PLCH2: variants seen among roughly 807,000 people sequenced by gnomAD.
PLCH2 encodes the protein phospholipase C eta 2, also known as 1-phosphatidylinositol 4,5-bisphosphate phosphodiesterase eta-2.
In PLCH2, 98 loss-of-function variants were observed where a neutral mutation model predicts 134.7. The ratio of observed to expected loss-of-function variants is 0.73; its 90% CI spans 0.62 to 0.86. The LOEUF is 0.86. PLCH2 is among the 40% of genes least tolerant of loss of function. The probability of loss-of-function intolerance (pLI) is 0.00; values close to 1 mark genes in which losing one functional copy is unlikely to be tolerated. For missense variants in PLCH2, 1,994 were observed against 1,986.6 expected (o/e 1.00, Z -0.07); for synonymous variants, 974 against 827.5 (o/e 1.18, Z -3.04).
rs41315670 is a variant in PLCH2, at chr1:2,484,624, C to T, written c.816+6C>T. On this transcript the variant is annotated splice_donor_region_variant and intron_variant, in intron 5 of 21. Coordinates refer to ENST00000378486, the MANE Select transcript of PLCH2 (RefSeq NM_014638.4). The stretch of plus-strand genomic sequence containing the variant: ...TCCTGCAGGTGGAGCAGAAGGTGTG[C>T]TGCCCGGGGCAGGTGTTGGGGGGCC... The T allele has an allele frequency of 2.4e-3, 3,911 of 1,609,580 alleles. 11 individuals are homozygous for T. Among genetic ancestry groups the T allele is most frequent in the Non-Finnish European group, 2.9e-3 (3,382 of 1,179,546 alleles).
Position 2,447,253 on chromosome 1 carries a change from C to G in PLCH2, c.115+16624C>G, listed in dbSNP as rs115828932. 1.4e-3 allele frequency among the ~76,000 whole-genome samples: 209 copies of G among 152,304 alleles called. 1 individual carries two copies. The highest frequency in any genetic ancestry group is 4.9e-3 in the African/African-American group (204 of 41,552). The stretch of plus-strand genomic sequence containing the variant: ...GCTAGGGTGGCTGCAGGGTGGGGCC[C>G]CAAGTCTGTGGGGGGAGGCCCATTT... On this transcript the variant is annotated intron_variant, in intron 2 of 3. Transcript: ENST00000609981.
At chr1:2,477,795 C>T (rs759490567) in intron 1 of PLCH2, among the ~76,000 whole-genome samples, 12 of 152,182 alleles carry the variant, frequency 7.9e-5, no homozygotes, top group Non-Finnish European at 1.8e-4. Context: ...GCAGGGCGTG[C>T]GACGCAGACA....
Position 2,502,294 on chromosome 1 carries a change from C to A in PLCH2, c.2844C>A (p.Val948=), listed in dbSNP as rs1382958239. ...GCCGCAGGGGCTTCCCGGAGCTGGT[C>A]CTGGGTACACGGGACACAGGCTCCA... is the stretch of plus-strand genomic sequence containing the variant. ...KPGRRGFPEL[V]LGTRDTGSKG... The change falls in exon 21 of 22, where the codon GTC becomes GTA. Residue 948 remains valine (V), a synonymous_variant. Coordinates refer to ENST00000378486, the MANE Select transcript of PLCH2 (RefSeq NM_014638.4). 6.5e-7 allele frequency: 1 copy of A among 1,537,664 alleles called. No individual in the cohort carries two copies. The highest frequency in any genetic ancestry group is 2.5e-5 in the East Asian group (1 of 40,612).
chr1:2,456,084 G>A (rs1640477195), intron 2 of PLCH2, among the ~76,000 whole-genome samples: 1 of 152,264 alleles, frequency 6.6e-6, no homozygotes, highest in South Asian at 2.1e-4. Flanking sequence ...AGCGTCGCCT[G>A]GGGCAGCATT....
rs1420860886 is a variant in PLCH2, at chr1:2,489,828, T to C, written c.1476T>C (p.Ala492=). The C allele has an allele frequency of 6.2e-7, 1 of 1,613,696 alleles. No homozygotes were observed. Among genetic ancestry groups the C allele is most frequent in the Admixed American group, 1.7e-5 (1 of 60,028 alleles). Residue 492 remains alanine (A), a synonymous_variant, in exon 10 of 22, where the codon GCT becomes GCC. Transcript: ENST00000378486. ...GCGAGGTGTCTGATGAGGACAGTGC[T>C]GATGAGATTGACGATGACTGCAAGC... ...EEGEVSDEDS[A]DEIDDDCKLL... is the part of the protein sequence containing the mutation.
At chr1:2,432,646 G>C (rs981322174) in intron 2 of PLCH2, among the ~76,000 whole-genome samples, 1 of 152,136 alleles carries the variant, frequency 6.6e-6, no homozygotes, top group Non-Finnish European at 1.5e-5. Flanking sequence ...GCATGATGAG[G>C]GTCTGAGCTG....
At chr1:2,474,738 A>G (rs957001633), upstream of PLCH2, among the ~76,000 whole-genome samples, 1 of 152,120 alleles carries the variant, frequency 6.6e-6, no homozygotes, top group African/African-American at 2.4e-5. Context: ...GTCCCAGGCC[A>G]GGAGGCCTCT....
intron 1 of PLCH2, among the ~76,000 whole-genome samples, chr1:2,470,474 C>T (rs1482644334): frequency 6.6e-6 from 1 of 152,236 alleles, no homozygotes; most frequent in Non-Finnish European, 1.5e-5. Context: ...GACACCCTCT[C>T]TGTCTGAGAC....
upstream of PLCH2, among the ~76,000 whole-genome samples, chr1:2,464,234 T>C (rs1229299518): frequency 6.6e-6 from 1 of 152,154 alleles, no homozygotes; most frequent in East Asian, 1.9e-4. Flanking sequence ...CAGGGGGGCT[T>C]CACGAGCTTC....
chr1:2,459,520 C>G (rs111615914), intron 2 of PLCH2, among the ~76,000 whole-genome samples: 4,068 of 35,902 alleles, frequency 0.11, 911 homozygotes, highest in East Asian at 0.54. Context: ...GGTCCTCCTT[C>G]CTGGTGGTCC....
intron 1 of PLCH2, among the ~76,000 whole-genome samples, chr1:2,469,779 G>A (rs570386448): frequency 2.0e-5 from 3 of 152,340 alleles, no homozygotes; most frequent in African/African-American, 4.8e-5. Flanking sequence ...GAGTGGGCGC[G>A]GGCCTCCCGT....
upstream of PLCH2, among the ~76,000 whole-genome samples, chr1:2,472,160 GATAAA>G (rs1402523596): frequency 1.2e-4 from 19 of 152,316 alleles, no homozygotes; most frequent in African/African-American, 4.6e-4. Context: ...TCACACTCCT[GATAAA>G]ATAAAAATAG....
chr1:2,497,641 C>T (rs1318185150), intron 16 of PLCH2, 32 bp downstream of exon 16: 1 of 1,446,014 alleles, frequency 6.9e-7, no homozygotes, highest in Non-Finnish European at 9.5e-7. Context: ...GGCTCGGACG[C>T]TCAGGGCTCG....
chr1:2,503,420 G>C (rs1570506915), intron 21 of PLCH2: 1 of 594,234 alleles, frequency 1.7e-6, no homozygotes, highest in Non-Finnish European at 3.0e-6. Context: ...GGGACGCCTG[G>C]AGCCTGCTGA....
rs764764341 is a variant in PLCH2, at chr1:2,504,503, C to G, written c.3541C>G (p.Pro1181Ala). ...NLAGAHMGRL[P>A]PRPHSASAAR... ...CGCTGGAGCCCACATGGGACGCCTG[C>G]CCCCCAGGCCCCACTCGGCTTCGGC... The change falls in exon 22 of 22, where the codon CCC (proline) becomes GCC (alanine). Residue 1181 changes from proline (P) to alanine (A), a missense_variant. Around this residue, in one of 2 missense-constraint regions of PLCH2, gnomAD observed 900 missense variants for 752.3 expected, o/e 1.20. Coordinates refer to ENST00000378486, the MANE Select transcript of PLCH2 (RefSeq NM_014638.4). 3.7e-6 allele frequency: 6 copies of G among 1,612,060 alleles called. No homozygotes were observed. In the South Asian group the frequency reaches 6.6e-5, roughly 18 times the overall value.
rs568548610 is a variant in PLCH2 at position 2,432,431 on chromosome 1, C to T, written c.115+1802C>T. Among the ~76,000 whole-genome samples the T allele has an allele frequency of 1.7e-4, 26 of 152,338 alleles. No homozygotes were observed. The East Asian group carries it at 4.4e-3, about 26-fold the overall frequency. Reference sequence around the variant, plus strand: ...GCCCCTCATGGCTGACAGCACACCCCGTCCCCTGTGCAATTTGCCTTACCC... The same window carrying T: ...GCCCCTCATGGCTGACAGCACACCCTGTCCCCTGTGCAATTTGCCTTACCC... On this transcript the variant is annotated intron_variant, in intron 2 of 3. Transcript: ENST00000609981.
intron 6 of PLCH2, 84 bp downstream of exon 6, chr1:2,487,084 T>C (rs1642325956): frequency 6.7e-7 from 1 of 1,494,948 alleles, no homozygotes. Flanking sequence ...GGGACAGGTG[T>C]TCTGTGTTCT....
intron 2 of PLCH2, among the ~76,000 whole-genome samples, chr1:2,446,842 G>A (rs1639968236): frequency 6.6e-6 from 1 of 152,192 alleles, no homozygotes; most frequent in Non-Finnish European, 1.5e-5. Flanking sequence ...TGCTCCCCAG[G>A]GCTGGGCTGA....
rs1643418815 is a variant in PLCH2 at position 2,504,417 on chromosome 1, G to C, written c.3455G>C (p.Ser1152Thr). Residue 1152 changes from serine (S) to threonine (T), a missense_variant, in exon 22 of 22, where the codon AGC becomes ACC. Ser to Thr is a moderately conservative substitution (Grantham distance 58). This residue lies in a region of PLCH2 where 900 missense variants were observed against 752.3 expected (regional missense o/e 1.20). Coordinates refer to ENST00000378486, the MANE Select transcript of PLCH2 (RefSeq NM_014638.4). ...TCCTCCTCCTCCAGCATGTCATCCA[G>C]CGACACTGTCATTGACCTCTCCCTG... Reference protein sequence around the residue: ...SVSSSSSMSSSDTVIDLSLPS... With the variant: ...SVSSSSSMSSTDTVIDLSLPS... 6.2e-7 allele frequency: 1 copy of C among 1,612,532 alleles called. No individual in the cohort carries two copies. The highest frequency in any genetic ancestry group is 8.5e-7 in the Non-Finnish European group (1 of 1,179,766).
Sources: gnomAD v4.1 joint callset for allele counts (sites outside exome capture counted in the v4.1 genomes callset) on GRCh38, gnomAD v4.1.1 for gene constraint, gnomAD v4.1.1 regional missense constraint, MANE v1.5 for transcripts, NCBI Gene and HGNC (gene_info 2026-07-23, HGNC 2026-07-21) for gene names.